RPSA2: variants seen among roughly 807,000 people sequenced by gnomAD.
RPSA2 encodes the protein small ribosomal subunit protein uS2B.
chr19:23,846,598 T>G, the RPSA2 span, among the ~76,000 whole-genome samples: 1 of 152,206 alleles, frequency 6.6e-6, no homozygotes, highest in Non-Finnish European at 1.5e-5. Flanking sequence ...GGATAAGACT[T>G]TATTTCTTCT....
At chr19:23,774,142 G>A in the RPSA2 span, among the ~76,000 whole-genome samples, 1 of 152,102 alleles carries the variant, frequency 6.6e-6, no homozygotes, top group African/African-American at 2.4e-5. Context: ...GGTGATGTGA[G>A]TCTCCTCCTT....
chr19:23,865,402 A>T, the RPSA2 span, among the ~76,000 whole-genome samples: 1 of 152,142 alleles, frequency 6.6e-6, no homozygotes. Flanking sequence ...GAAAATTGGG[A>T]CACAGTAGGA....
At chr19:23,762,108 G>T in the RPSA2 span, among the ~76,000 whole-genome samples, 1 of 150,646 alleles carries the variant, frequency 6.6e-6, no homozygotes, top group African/African-American at 2.4e-5. Flanking sequence ...AGTAGAGACG[G>T]GGTTTCACCA....
At chr19:23,870,656 A>G in the RPSA2 span, among the ~76,000 whole-genome samples, 1 of 152,106 alleles carries the variant, frequency 6.6e-6, no homozygotes, top group Non-Finnish European at 1.5e-5. Flanking sequence ...TTAACATCTC[A>G]TATATAGTTC....
At chr19:23,827,670 C>G in the RPSA2 span, 1 of 1,596,416 alleles carries the variant, frequency 6.3e-7, no homozygotes, top group East Asian at 2.2e-5. Context: ...GGAGCTCACT[C>G]AGTGGGTTTG....
chr19:23,866,597 A>T, the RPSA2 span, among the ~76,000 whole-genome samples: 11 of 149,482 alleles, frequency 7.4e-5, no homozygotes, highest in Non-Finnish European at 1.6e-4. Flanking sequence ...ATGCCACTCA[A>T]AATTTCATCA....
chr19:23,807,824 A>G, the RPSA2 span: 3 of 408,670 alleles, frequency 7.3e-6, no homozygotes, highest in South Asian at 2.2e-5. Flanking sequence ...TGTCTTTTCC[A>G]GGGACTCTTG....
chr19:23,802,731 A>G, the RPSA2 span, among the ~76,000 whole-genome samples: 9 of 152,284 alleles, frequency 5.9e-5, no homozygotes, highest in Non-Finnish European at 8.8e-5. Context: ...TCATTAGAAA[A>G]ATAGATGAAG....
At chr19:23,785,609 T>A in the RPSA2 span, among the ~76,000 whole-genome samples, 275 of 152,318 alleles carry the variant, frequency 1.8e-3, no homozygotes, top group Middle Eastern at 3.4e-3. Flanking sequence ...TGTAACATAT[T>A]CCTGGCTGAG....
the RPSA2 span, among the ~76,000 whole-genome samples, chr19:23,803,953 A>T: frequency 8.5e-5 from 13 of 152,144 alleles, no homozygotes; most frequent in African/African-American, 3.1e-4. Flanking sequence ...AGAAATAAAA[A>T]TGCTGGGTTC....
the RPSA2 span, among the ~76,000 whole-genome samples, chr19:23,769,280 A>G: frequency 6.6e-6 from 1 of 152,054 alleles, no homozygotes; most frequent in Non-Finnish European, 1.5e-5. Flanking sequence ...GTGACTTCAC[A>G]CTTCTTCCTG....
At chr19:23,795,970 A>T in the RPSA2 span, among the ~76,000 whole-genome samples, 1 of 152,102 alleles carries the variant, frequency 6.6e-6, no homozygotes, top group Non-Finnish European at 1.5e-5. Context: ...TTGCCATGTC[A>T]GCCAGGTTGA....
chr19:23,844,659 T>C, the RPSA2 span, among the ~76,000 whole-genome samples: 1 of 151,502 alleles, frequency 6.6e-6, no homozygotes, highest in East Asian at 1.9e-4. Context: ...TTTTATTTGC[T>C]GTGCAAAAAC....
chr19:23,857,459 T>A, the RPSA2 span, among the ~76,000 whole-genome samples: 10 of 150,858 alleles, frequency 6.6e-5, no homozygotes, highest in Non-Finnish European at 1.3e-4. Context: ...TTCTTTAAAA[T>A]CTATATTTTG....
At chr19:23,808,841 A>G in the RPSA2 span, 13 of 616,792 alleles carry the variant, frequency 2.1e-5, no homozygotes, top group Non-Finnish European at 3.1e-5. Context: ...ACAACAGACA[A>G]CATGGATGAG....
At chr19:23,804,520 C>T in the RPSA2 span, among the ~76,000 whole-genome samples, 1 of 151,912 alleles carries the variant, frequency 6.6e-6, no homozygotes, top group Non-Finnish European at 1.5e-5. Flanking sequence ...TGGTCTCGAT[C>T]TCCTGACCTC....
At chr19:23,772,840 G>T in the RPSA2 span, among the ~76,000 whole-genome samples, 12 of 152,258 alleles carry the variant, frequency 7.9e-5, 1 homozygote, top group Middle Eastern at 0.031. Context: ...TAGCAGATGA[G>T]GACTACTATC....
At chr19:23,827,844 A>C in the RPSA2 span, 2 of 1,399,698 alleles carry the variant, frequency 1.4e-6, no homozygotes, top group East Asian at 2.3e-5. Context: ...GAGGAATTTC[A>C]GGGTGAATGG....
the RPSA2 span, among the ~76,000 whole-genome samples, chr19:23,770,024 A>G: frequency 1.3e-5 from 2 of 151,918 alleles, no homozygotes; most frequent in African/African-American, 2.4e-5. Flanking sequence ...TTGCTCATGC[A>G]TGTGCTCTGC....
Sources: allele counts gnomAD v4.1 joint callset (sites outside exome capture counted in the v4.1 genomes callset), GRCh38; gene constraint gnomAD v4.1.1; transcripts MANE v1.5; gene names NCBI Gene and HGNC (gene_info 2026-07-23, HGNC 2026-07-21).